PRRC2B: variants seen among roughly 807,000 people sequenced by gnomAD.
PRRC2B encodes the protein protein PRRC2B.
In PRRC2B, 68 loss-of-function variants were observed where a neutral mutation model predicts 242.3. The observed-to-expected ratio is 0.28, with a 90% CI of 0.23 to 0.34. PRRC2B has a LOEUF of 0.34. Ranked by LOEUF, PRRC2B falls within the 10% of genes least tolerant of loss-of-function variation. The pLI is 1.00. For missense variants in PRRC2B, 2,835 were observed against 2,954.8 expected (o/e 0.96, Z 0.94); for synonymous variants, 1,228 against 1,173.6 (o/e 1.05, Z -0.95).
At chr9:131,442,095 G>T (rs1452035585) in intron 5 of PRRC2B, among the ~76,000 whole-genome samples, 2 of 151,870 alleles carry the variant, frequency 1.3e-5, no homozygotes, top group Non-Finnish European at 2.9e-5. Context: ...ACAGGTGCTG[G>T]TTTTTTTCCT....
intron 16 of PRRC2B, among the ~76,000 whole-genome samples, chr9:131,477,490 A>C (rs1943737588): frequency 6.6e-6 from 1 of 152,122 alleles, no homozygotes; most frequent in African/African-American, 2.4e-5. Flanking sequence ...TACACTCTGA[A>C]CATAGCATGT....
In PRRC2B at chr9:131,491,497, C is replaced by T; in HGVS notation, c.6298C>T (p.Pro2100Ser). 6.2e-7 allele frequency: 1 copy of T among 1,612,534 alleles called. No homozygotes were observed. The highest frequency in any genetic ancestry group is 8.5e-7 in the Non-Finnish European group (1 of 1,179,614). Residue 2100 changes from proline to serine, a missense_variant, in exon 29 of 32, where the codon CCT becomes TCT. By Grantham distance (74) the Pro-to-Ser change is moderately conservative. Around this residue, in one of 7 missense-constraint regions of PRRC2B, gnomAD observed 574 missense variants for 626.0 expected, o/e 0.92. Coordinates refer to ENST00000683519, the MANE Select transcript of PRRC2B (RefSeq NM_013318.4). Reference sequence around the variant, plus strand: ...CCTGCCCCAGTCTATTCAGCTGCCACCTGGGCAGAGCCTCTCCGTTGGGGC... The same window carrying T: ...CCTGCCCCAGTCTATTCAGCTGCCATCTGGGCAGAGCCTCTCCGTTGGGGC... ...LILPQSIQLP[P>S]GQSLSVGAPR...
At chr9:131,426,337 CAAAAAAAAAAAA>C (rs5900939) in intron 1 of PRRC2B, among the ~76,000 whole-genome samples, 5 of 84,486 alleles carry the variant, frequency 5.9e-5, no homozygotes, top group Admixed American at 5.2e-4. Context: ...AACTCTGTCT[CAAAAAAAAAAAA>C]AAAAAAAAAA....
At position 131,474,802 on chromosome 9, in the gene PRRC2B, C is replaced by A; in HGVS notation, c.2673C>A (p.Pro891=). The change falls in exon 16 of 32, where the codon CCC becomes CCA. Residue 891 remains proline (P), a synonymous_variant. Transcript: ENST00000683519. ...DTAHGVERET[P]REGTAFNISS... ...CCCATGGTGTTGAGCGGGAGACACC[C>A]CGGGAGGGGACGGCCTTTAACATCT... The A allele has an allele frequency of 6.2e-7, 1 of 1,612,554 alleles. No individual in the cohort carries two copies.
chr9:131,464,863 C>T lies in PRRC2B; in HGVS notation c.1505C>T (p.Ala502Val), dbSNP rs758246594. 1.1e-5 allele frequency: 17 copies of T among 1,613,668 alleles called. No individual in the cohort carries two copies. The highest frequency in any genetic ancestry group is 8.9e-5 in the East Asian group (4 of 44,894). ...QKFIQSEMSE[A>V]VERARKRREE... ...TTCATTCAGTCAGAGATGTCCGAGG[C>T]GGTGGAGCGAGCCCGAAAGCGCCGG... The change falls in exon 12 of 32, where the codon GCG (alanine) becomes GTG (valine). Residue 502 changes from alanine to valine, a missense_variant. By Grantham distance (64) the Ala-to-Val change is moderately conservative. Coordinates refer to ENST00000683519, the MANE Select transcript of PRRC2B (RefSeq NM_013318.4).
At chr9:131,415,984 C>G in intron 1 of PRRC2B, among the ~76,000 whole-genome samples, 1 of 152,028 alleles carries the variant, frequency 6.6e-6, no homozygotes, top group Non-Finnish European at 1.5e-5. Context: ...TCTGGAACTC[C>G]TAGTTAAATC....
chr9:131,492,034 AC>A (rs1348181588), intron 29 of PRRC2B, 134 bp from the exon 30 acceptor site: 1 of 682,754 alleles, frequency 1.5e-6, no homozygotes, highest in African/African-American at 1.8e-5. Context: ...GGTGCCAAAA[AC>A]CACTGCTCTA....
At chr9:131,493,120 G>T (rs1349632057) in intron 30 of PRRC2B, among the ~76,000 whole-genome samples, 1 of 138,230 alleles carries the variant, frequency 7.2e-6, no homozygotes, top group Non-Finnish European at 1.6e-5. Context: ...AGTTGCTCCA[G>T]CTGCACCCCC....
chr9:131,452,228 G>A (rs745570242), intron 9 of PRRC2B, among the ~76,000 whole-genome samples: 1 of 152,080 alleles, frequency 6.6e-6, no homozygotes, highest in Admixed American at 6.6e-5. Context: ...ATGGCTCAAC[G>A]CAGCCTCAAA....
chr9:131,495,184 CT>C (rs768069168), intron 31 of PRRC2B, among the ~76,000 whole-genome samples: 1 of 152,138 alleles, frequency 6.6e-6, no homozygotes, highest in African/African-American at 2.4e-5. Context: ...CCCCACCCCA[CT>C]CCCCGTGTAG....
intron 13 of PRRC2B, among the ~76,000 whole-genome samples, chr9:131,469,263 G>A (rs1043144336): frequency 6.6e-6 from 1 of 152,194 alleles, no homozygotes; most frequent in Admixed American, 6.5e-5. Flanking sequence ...GCACCCAGGA[G>A]GTGGAGGTTG....
intron 3 of PRRC2B, among the ~76,000 whole-genome samples, chr9:131,433,093 A>G (rs1003969534): frequency 1.3e-5 from 2 of 152,206 alleles, no homozygotes; most frequent in African/African-American, 4.8e-5. Flanking sequence ...GAAAGGCCTC[A>G]TCACCCCAGA....
chr9:131,474,340 A>T, intron 15 of PRRC2B, 114 bp from the exon 16 acceptor site: 1 of 894,882 alleles, frequency 1.1e-6, no homozygotes, highest in Non-Finnish European at 1.7e-6. Flanking sequence ...CTTTTTAAAA[A>T]GTGTTTTAGT....
upstream of PRRC2B, among the ~76,000 whole-genome samples, chr9:131,390,781 CTTTTT>C (rs57100225): frequency 8.1e-5 from 3 of 36,966 alleles, no homozygotes; most frequent in Non-Finnish European, 1.0e-4. Context: ...TGTGCCCTAG[CTTTTT>C]TTTTTTTTTT....
rs867818109 is a variant in PRRC2B at position 131,436,703 on chromosome 9, C to T, written c.377C>T (p.Thr126Ile). Residue 126 changes from threonine to isoleucine, a missense_variant, in exon 4 of 32, where the codon ACA (threonine) becomes ATA (isoleucine). Physicochemically the swap from Thr to Ile is moderately conservative, Grantham distance 89. Transcript: ENST00000683519. Reference protein sequence around the residue: ...QKSVSNLQKPTQSISQENTNS... With the variant: ...QKSVSNLQKPIQSISQENTNS... ...TCTGTCTCCAATTTGCAGAAACCGA[C>T]ACAGTCAATCAGTCAGGAGGTAGGT... 6 of 1,613,868 alleles carry T rather than the reference C, an allele frequency of 3.7e-6. No homozygotes were observed. In the African/African-American group the frequency reaches 8.0e-5, roughly 22 times the overall value.
intron 1 of PRRC2B, among the ~76,000 whole-genome samples, chr9:131,417,385 T>G (rs1234407734): frequency 1.3e-5 from 2 of 152,124 alleles, no homozygotes; most frequent in South Asian, 2.1e-4. Flanking sequence ...TCTTGTTTAA[T>G]GTATCCAGTG....
At chr9:131,455,852 CTGT>C (rs1943058789) in intron 10 of PRRC2B, among the ~76,000 whole-genome samples, 1 of 151,866 alleles carries the variant, frequency 6.6e-6, no homozygotes. Flanking sequence ...GCGGCTCGTG[CTGT>C]TAATTCCAGC....
intron 5 of PRRC2B, among the ~76,000 whole-genome samples, chr9:131,443,818 C>T (rs1838694414): frequency 6.6e-6 from 1 of 152,208 alleles, no homozygotes; most frequent in Admixed American, 6.5e-5. Context: ...AAGCAGTTGC[C>T]TTCTTGGCCT....
intron 1 of PRRC2B, among the ~76,000 whole-genome samples, chr9:131,426,854 CATT>C (rs1170926227): frequency 6.6e-6 from 1 of 152,348 alleles, no homozygotes; most frequent in East Asian, 1.9e-4. Flanking sequence ...GCAGTCCCAT[CATT>C]GTGACATCAA....
Sources: allele counts gnomAD v4.1 joint callset (sites outside exome capture counted in the v4.1 genomes callset), GRCh38; gene constraint gnomAD v4.1.1; regional missense constraint gnomAD v4.1.1; transcripts MANE v1.5; gene names NCBI Gene and HGNC (gene_info 2026-07-23, HGNC 2026-07-21).